The following EPHA6 variants were observed in gnomAD, a reference collection of about 807,000 sequenced individuals.
The protein encoded by EPHA6 is EPH receptor A6.
EPHA6 carries 50 observed loss-of-function variants against 112.0 expected under a neutral mutation model. That is an observed-to-expected ratio of 0.45 (90% CI 0.36 to 0.56). EPHA6 has a LOEUF of 0.56. EPHA6 is among the 20% of genes least tolerant of loss of function. The pLI, the probability that EPHA6 is intolerant of heterozygous loss-of-function variation, is 0.00. For synonymous variants in EPHA6, 529 were observed against 490.7 expected (o/e 1.08, Z -1.03); for missense variants, 1,280 against 1,417.4 (o/e 0.90, Z 1.56).
intron 6 of EPHA6, among the ~76,000 whole-genome samples, chr3:97,440,679 T>C (rs923621917): frequency 1.3e-5 from 2 of 151,354 alleles, no homozygotes; most frequent in Non-Finnish European, 3.0e-5. Flanking sequence ...TCCTCACATA[T>C]CTAAAACTGT....
intron 6 of EPHA6, among the ~76,000 whole-genome samples, chr3:97,428,792 C>A (rs1292413573): frequency 1.3e-5 from 2 of 152,142 alleles, no homozygotes; most frequent in African/African-American, 4.8e-5. Flanking sequence ...GTACTAGAAC[C>A]AGACCTTTCT....
chr3:97,116,983 T>C (rs1047097565), intron 3 of EPHA6, among the ~76,000 whole-genome samples: 1 of 151,776 alleles, frequency 6.6e-6, no homozygotes, highest in Non-Finnish European at 1.5e-5. Context: ...CTCCACATCC[T>C]TGTCAACACT....
intron 5 of EPHA6, among the ~76,000 whole-genome samples, chr3:97,356,174 C>T (rs1190174146): frequency 1.3e-5 from 2 of 152,114 alleles, no homozygotes; most frequent in Non-Finnish European, 2.9e-5. Context: ...TACAAGGGAT[C>T]GAGGTCACAA....
intron 14 of EPHA6, among the ~76,000 whole-genome samples, chr3:97,712,068 A>G (rs2033994805): frequency 1.3e-5 from 2 of 152,244 alleles, no homozygotes; most frequent in Admixed American, 6.5e-5. Flanking sequence ...TGTATTAAAT[A>G]TCTCAATATT....
At chr3:97,666,721 G>A (rs2030158283) in intron 14 of EPHA6, among the ~76,000 whole-genome samples, 2 of 152,028 alleles carry the variant, frequency 1.3e-5, no homozygotes, top group Admixed American at 1.3e-4. Flanking sequence ...ATCATATTTG[G>A]AGGCACTAAG....
At chr3:97,018,728 G>A (rs908095889) in intron 3 of EPHA6, among the ~76,000 whole-genome samples, 10 of 152,176 alleles carry the variant, frequency 6.6e-5, no homozygotes, top group Non-Finnish European at 1.3e-4. Context: ...TTAGGCCTCC[G>A]GATAACCGCA....
At chr3:97,201,317 T>C (rs1179849517) in intron 3 of EPHA6, among the ~76,000 whole-genome samples, 2 of 152,126 alleles carry the variant, frequency 1.3e-5, no homozygotes, top group African/African-American at 4.8e-5. Flanking sequence ...TGGAAAATTG[T>C]CTGGGGTATC....
At chr3:96,844,959 C>T (rs1576123167) in intron 1 of EPHA6, among the ~76,000 whole-genome samples, 1 of 151,760 alleles carries the variant, frequency 6.6e-6, no homozygotes, top group African/African-American at 2.4e-5. Context: ...TTATTTAGAC[C>T]AAGTTTGAAC....
chr3:96,951,982 A>ATGG (rs2041559293), intron 2 of EPHA6, among the ~76,000 whole-genome samples: 2 of 152,272 alleles, frequency 1.3e-5, no homozygotes, highest in South Asian at 4.1e-4. Context: ...CTAGGAAACT[A>ATGG]TGGTGTACTT....
At chr3:97,661,446 A>C (rs1220263056) in intron 14 of EPHA6, among the ~76,000 whole-genome samples, 1 of 152,162 alleles carries the variant, frequency 6.6e-6, no homozygotes, top group Non-Finnish European at 1.5e-5. Context: ...CTTATAATTC[A>C]TAAAACATCA....
At chr3:97,238,085 T>C (rs2078733128) in intron 4 of EPHA6, among the ~76,000 whole-genome samples, 1 of 151,980 alleles carries the variant, frequency 6.6e-6, no homozygotes, top group Non-Finnish European at 1.5e-5. Flanking sequence ...TTTCCCAAGC[T>C]AAAATTATGT....
intron 11 of EPHA6, among the ~76,000 whole-genome samples, chr3:97,555,130 T>C (rs1398445745): frequency 1.3e-5 from 2 of 150,578 alleles, no homozygotes; most frequent in Non-Finnish European, 3.0e-5. Context: ...CCTTCCTGTG[T>C]CCATGTGCTC....
intron 2 of EPHA6, among the ~76,000 whole-genome samples, chr3:96,951,182 C>A (rs1411998567): frequency 6.6e-6 from 1 of 152,050 alleles, no homozygotes. Flanking sequence ...ATTCTGCCAA[C>A]CAGAGACTAG....
chr3:97,525,478 G>A (rs2092605490), intron 10 of EPHA6, among the ~76,000 whole-genome samples: 2 of 152,036 alleles, frequency 1.3e-5, no homozygotes, highest in Non-Finnish European at 2.9e-5. Context: ...CCTTTTTCCA[G>A]TAATTTGTAC....
chr3:97,154,417 A>G (rs567192026), intron 3 of EPHA6, among the ~76,000 whole-genome samples: 2 of 152,280 alleles, frequency 1.3e-5, no homozygotes, highest in African/African-American at 4.8e-5. Context: ...ATATTTCCAC[A>G]TTATGAAATG....
intron 12 of EPHA6, among the ~76,000 whole-genome samples, chr3:97,608,103 T>A (rs1364460122): frequency 1.3e-5 from 2 of 150,602 alleles, no homozygotes; most frequent in South Asian, 2.1e-4. Context: ...AAAAAAAAAA[T>A]TCCTTAGTTC....
intron 7 of EPHA6, among the ~76,000 whole-genome samples, chr3:97,450,278 T>C (rs989148631): frequency 6.6e-6 from 1 of 152,068 alleles, no homozygotes; most frequent in African/African-American, 2.4e-5. Flanking sequence ...GGTATAAAGC[T>C]AAGGATACAG....
chr3:97,481,629 CCCG>C (rs1413739559), intron 9 of EPHA6: 1 of 446,922 alleles, frequency 2.2e-6, no homozygotes, highest in East Asian at 5.1e-5. Context: ...CCTCCCTAGG[CCCG>C]CCGCTTGGAG....
chr3:97,616,071 G>A (rs1314265478), intron 13 of EPHA6, among the ~76,000 whole-genome samples: 16 of 152,078 alleles, frequency 1.1e-4, no homozygotes. Flanking sequence ...CAAGTGTGTT[G>A]GAACTGGCAA....
Sources: gnomAD v4.1 joint callset for allele counts (sites outside exome capture counted in the v4.1 genomes callset) on GRCh38, gnomAD v4.1.1 for gene constraint, MANE v1.5 for transcripts, NCBI Gene and HGNC (gene_info 2026-07-23, HGNC 2026-07-21) for gene names.